Variants in EHMT1 observed in about 807,000 individuals in gnomAD.
EHMT1 encodes the protein euchromatic histone lysine methyltransferase 1.
In EHMT1, 15 loss-of-function variants were observed where a neutral mutation model predicts 147.2. The observed-to-expected ratio is 0.10, with a 90% confidence interval of 0.07 to 0.16. The LOEUF is 0.16. EHMT1 is among the 10% of genes least tolerant of loss of function. The probability of loss-of-function intolerance (pLI) is 1.00; values close to 1 mark genes in which losing one functional copy is unlikely to be tolerated. For synonymous variants in EHMT1, 795 were observed against 709.6 expected, an observed-to-expected ratio of 1.12 and a Z score of -1.91; for missense variants, 1,587 against 1,772.4, an observed-to-expected ratio of 0.90 and a Z score of 1.88.
At chr9:137,728,253 G>T in intron 3 of EHMT1, 96 bp from the exon 4 acceptor site, 2 of 1,529,236 alleles carry the variant, frequency 1.3e-6, no homozygotes, top group Non-Finnish European at 9.0e-7. Flanking sequence ...CGGTTGTGGG[G>T]AATTATCGGG....
intron 18 of EHMT1, among the ~76,000 whole-genome samples, chr9:137,801,641 G>C (rs1953497805): frequency 6.6e-6 from 1 of 152,200 alleles, no homozygotes; most frequent in African/African-American, 2.4e-5. Context: ...TGGGATTATA[G>C]GCGCCCACGA....
intron 1 of EHMT1, among the ~76,000 whole-genome samples, chr9:137,657,255 G>C (rs1044919625): frequency 1.3e-5 from 2 of 152,198 alleles, no homozygotes; most frequent in African/African-American, 4.8e-5. Flanking sequence ...CAGCTGAAGA[G>C]GGGTGATTGT....
chr9:137,647,906 G>A (rs1194564341), intron 1 of EHMT1, among the ~76,000 whole-genome samples: 3 of 152,054 alleles, frequency 2.0e-5, no homozygotes, highest in African/African-American at 7.2e-5. Context: ...CGCATCTGTG[G>A]ACACTTGCTC....
intron 2 of EHMT1, among the ~76,000 whole-genome samples, chr9:137,712,385 C>A (rs140383276): frequency 2.0e-5 from 3 of 152,194 alleles, no homozygotes; most frequent in Non-Finnish European, 2.9e-5. Flanking sequence ...TGGACCCCCA[C>A]GGTGGCTGCC....
intron 25 of EHMT1, among the ~76,000 whole-genome samples, chr9:137,831,275 C>G (rs1336490001): frequency 3.9e-5 from 6 of 152,214 alleles, no homozygotes; most frequent in Non-Finnish European, 5.9e-5. Flanking sequence ...CTTATTCCTT[C>G]TCTTTTCTTA....
intron 4 of EHMT1, among the ~76,000 whole-genome samples, chr9:137,735,832 CCTT>C (rs1307900646): frequency 6.6e-6 from 1 of 152,212 alleles, no homozygotes; most frequent in African/African-American, 2.4e-5. Context: ...TCTGTCTCTT[CCTT>C]CTTCTCTCAC....
chr9:137,712,709 G>A (rs372842637), intron 2 of EHMT1, among the ~76,000 whole-genome samples: 11 of 152,002 alleles, frequency 7.2e-5, no homozygotes, highest in Non-Finnish European at 1.6e-4. Context: ...ATTTTCTTCC[G>A]GTCTGTGGCT....
Position 137,776,913 on chromosome 9 carries a change from C to T in EHMT1, c.2018+69C>T, listed in dbSNP as rs1424767392. 43 of 1,431,228 alleles carry T rather than the reference C, an allele frequency of 3.0e-5. No homozygotes were observed. Among genetic ancestry groups the T allele is most frequent in the Middle Eastern group, 4.1e-4 (2 of 4,892 alleles). 88.7% of individuals were successfully genotyped at this position (1,431,228 alleles called of 1,614,324 possible). A position where few individuals can be genotyped will look rare whatever the true frequency, so the allele number is the denominator to read the frequency against. ...GAAAAAGTTTCAGTTGTTAACTCAA[C>T]GTTATTGCTTCCTGCTGTTTTTTCC... On this transcript the variant is annotated intron_variant, in intron 12 of 26. Transcript: ENST00000460843. This position sits in a 1 kb window ranked among gnomAD's most constrained non-coding sequence, Gnocchi z 4.4.
At chr9:137,719,602 T>C (rs1945729538) in intron 3 of EHMT1, among the ~76,000 whole-genome samples, 1 of 152,196 alleles carries the variant, frequency 6.6e-6, no homozygotes, top group African/African-American at 2.4e-5. Flanking sequence ...AATTACAGTG[T>C]CACAGGAAAC....
intron 6 of EHMT1, among the ~76,000 whole-genome samples, chr9:137,748,664 G>A (rs1272372077): frequency 1.3e-5 from 2 of 152,170 alleles, no homozygotes; most frequent in Non-Finnish European, 2.9e-5. Flanking sequence ...GTGGCATTAC[G>A]TTTTCAGTTT....
chr9:137,657,711 G>C (rs1938614791), intron 1 of EHMT1, among the ~76,000 whole-genome samples: 1 of 151,882 alleles, frequency 6.6e-6, no homozygotes, highest in Non-Finnish European at 1.5e-5. Context: ...ATGTGCAATA[G>C]ACCATTGTTG....
At chr9:137,631,927 A>G (rs1200096992) in intron 1 of EHMT1, among the ~76,000 whole-genome samples, 1 of 152,208 alleles carries the variant, frequency 6.6e-6, no homozygotes, top group Non-Finnish European at 1.5e-5. Flanking sequence ...CTTACTGCCT[A>G]ATCACGTCGT....
intron 10 of EHMT1, among the ~76,000 whole-genome samples, 186 bp from the exon 11 acceptor site, chr9:137,774,923 C>T (rs369231320): frequency 6.6e-6 from 1 of 152,164 alleles, no homozygotes; most frequent in South Asian, 2.1e-4. Context: ...GTTTGTCCCC[C>T]GTGCTGAGGC....
At chr9:137,802,328 G>A in intron 18 of EHMT1, 1 of 398,768 alleles carries the variant, frequency 2.5e-6, no homozygotes, top group Non-Finnish European at 4.4e-6. Flanking sequence ...AGCCCTCAGA[G>A]GTGTGTCCAC....
intron 1 of EHMT1, among the ~76,000 whole-genome samples, chr9:137,619,595 C>T (rs1228905090): frequency 1.3e-5 from 2 of 152,104 alleles, no homozygotes; most frequent in African/African-American, 4.8e-5. Context: ...CGTGTTTCTC[C>T]CCAGACAATG....
chr9:137,619,063 C>A lies in EHMT1; in HGVS notation c.21+14C>A. 1.1e-6 allele frequency: 1 copy of A among 906,028 alleles called. No individual in the cohort carries two copies. Among genetic ancestry groups the A allele is most frequent in the Non-Finnish European group, 1.3e-6 (1 of 760,110 alleles). 56.1% of individuals were successfully genotyped at this position (906,028 alleles called of 1,614,324 possible). On this transcript the variant is annotated intron_variant, in intron 1 of 26. Coordinates refer to ENST00000460843, the MANE Select transcript of EHMT1 (RefSeq NM_024757.5). Reference sequence around the variant, plus strand: ...GCCGATGCCGAGGTGAGCAGCGGGGCCGGCGGGGGGCGGCGCGGGGGCGGC... The same window carrying A: ...GCCGATGCCGAGGTGAGCAGCGGGGACGGCGGGGGGCGGCGCGGGGGCGGC...
At chr9:137,789,648 G>C (rs1324319664) in intron 15 of EHMT1, among the ~76,000 whole-genome samples, 1 of 152,298 alleles carries the variant, frequency 6.6e-6, no homozygotes, top group East Asian at 1.9e-4. Flanking sequence ...TGGACCCTGC[G>C]TTCTCTTTGG....
chr9:137,747,190 C>G (rs143637570), intron 6 of EHMT1: 2 of 151,912 alleles, frequency 1.3e-5, no homozygotes, highest in Non-Finnish European at 2.9e-5. Flanking sequence ...CTGAGTCTGG[C>G]GCTGTCACCC....
chr9:137,779,799 T>G, intron 14 of EHMT1, 82 bp downstream of exon 14: 1 of 1,476,140 alleles, frequency 6.8e-7, no homozygotes, highest in East Asian at 2.3e-5. Context: ...TACTCCTTCC[T>G]CAGGAGGCTG....
Sources: gnomAD v4.1 joint callset for allele counts (sites outside exome capture counted in the v4.1 genomes callset) on GRCh38, gnomAD v4.1.1 for gene constraint, Gnocchi (gnomAD v3.1) non-coding constraint, MANE v1.5 for transcripts, NCBI Gene and HGNC (gene_info 2026-07-23, HGNC 2026-07-21) for gene names.